The following TADA3 variants were observed in gnomAD, a reference collection of about 807,000 sequenced individuals.
The protein encoded by TADA3 is transcriptional adapter 3.
Under a neutral mutation model 43.2 loss-of-function variants are expected in TADA3, and 25 were observed. That is an observed-to-expected ratio of 0.58 (90% CI 0.42 to 0.81). The LOEUF (loss-of-function observed/expected upper bound fraction) is 0.81, where lower values mean the gene tolerates loss of function less well. Among genes scored for constraint, TADA3 ranks in the 30% least tolerant of loss-of-function variants. TADA3 has a pLI of 0.00. For synonymous variants in TADA3, 235 were observed against 225.5 expected, an observed-to-expected ratio of 1.04 and a Z score of -0.38; for missense variants, 441 against 567.8, an observed-to-expected ratio of 0.78 and a Z score of 2.27.
intron 8 of TADA3, chr3:9,783,023 T>C (rs2078516821): frequency 6.6e-6 from 1 of 152,202 alleles, no homozygotes; most frequent in African/African-American, 2.4e-5. Flanking sequence ...TGGCAGGCAC[T>C]GTGATGGATT....
chr3:9,789,502 T>C lies in TADA3; in HGVS notation c.564+7A>G. On this transcript the variant is annotated splice_region_variant and intron_variant, in intron 4 of 8. Coordinates refer to ENST00000301964, the MANE Select transcript of TADA3 (RefSeq NM_006354.5). ...GCATCATGTCTATCAAGGCCCAGAG[T>C]TTCTACCTTGTAATGCTCAGCCTCA... 1.9e-6 allele frequency: 3 copies of C among 1,612,872 alleles called. No homozygotes were observed. The highest frequency in any genetic ancestry group is 2.5e-6 in the Non-Finnish European group (3 of 1,179,320).
intron 4 of TADA3, chr3:9,787,869 A>T: frequency 2.2e-6 from 1 of 456,306 alleles, no homozygotes; most frequent in Non-Finnish European, 4.0e-6. Flanking sequence ...CAGGGCCTTG[A>T]AGGGTGAGTC....
chr3:9,792,570 G>T, upstream of TADA3: 1 of 1,228,810 alleles, frequency 8.1e-7, no homozygotes, highest in Non-Finnish European at 1.0e-6. Flanking sequence ...GGTGGGCCTC[G>T]AGCAAAGCCG....
intron 4 of TADA3, 121 bp from the exon 5 acceptor site, chr3:9,787,461 G>C: frequency 7.3e-7 from 1 of 1,370,658 alleles, no homozygotes; most frequent in Non-Finnish European, 9.8e-7. Flanking sequence ...CAAGCCCAGT[G>C]TCAGGTGTAG....
Position 9,784,046 on chromosome 3 carries a change from T to C in TADA3, c.1088A>G (p.Lys363Arg), listed in dbSNP as rs954721291. Residue 363 changes from lysine to arginine, a missense_variant, in exon 8 of 9, where the codon AAG becomes AGG. By Grantham distance (26) the Lys-to-Arg change is conservative (BLOSUM62 2). Coordinates refer to ENST00000301964, the MANE Select transcript of TADA3 (RefSeq NM_006354.5). ...LKALSAHNRT[K>R]KHDLLRLAKE... ...CGCTCACCTCAGCAGGTCGTGCTTCTTGGTGCGGTTGTGGGCACTAAGTGC... is the reference window on the plus strand; with the variant it reads ...CGCTCACCTCAGCAGGTCGTGCTTCCTGGTGCGGTTGTGGGCACTAAGTGC... The C allele has an allele frequency of 3.1e-6, 5 of 1,614,030 alleles. No homozygotes were observed. The highest frequency in any genetic ancestry group is 4.2e-6 in the Non-Finnish European group (5 of 1,179,920).
At chr3:9,788,905 G>A (rs1447608223) in intron 4 of TADA3, among the ~76,000 whole-genome samples, 5 of 149,420 alleles carry the variant, frequency 3.3e-5, no homozygotes, top group East Asian at 2.0e-4. Context: ...GCGTGATCTC[G>A]GCTCACTGCA....
At chr3:9,789,987 T>C (rs376961867) in intron 2 of TADA3, 24 bp from the exon 3 acceptor site, 5 of 1,565,454 alleles carry the variant, frequency 3.2e-6, no homozygotes, top group South Asian at 2.4e-5. Context: ...AAAGTGTCAC[T>C]GAGGGGGAGA....
Position 9,787,064 on chromosome 3 carries a change from G to A in TADA3, c.752C>T (p.Pro251Leu), listed in dbSNP as rs201486781. 126 of 1,614,082 alleles carry A rather than the reference G, an allele frequency of 7.8e-5. 1 individual carries two copies. Among genetic ancestry groups the A allele is most frequent in the Middle Eastern group, 3.3e-4 (2 of 6,084 alleles). Residue 251 changes from proline (P) to leucine (L), a missense_variant, in exon 6 of 9, where the codon CCG (proline) becomes CTG (leucine). Coordinates refer to ENST00000301964, the MANE Select transcript of TADA3 (RefSeq NM_006354.5). ...GGCACCAAAGGGGCATCCATCTTCC[G>A]GCTGTTCATGCTGGGCCTCAGACTT... Reference protein sequence around the residue: ...LKKSEAQHEQPEDGCPFGALT... With the variant: ...LKKSEAQHEQLEDGCPFGALT...
rs2078694413 is a variant in TADA3, at chr3:9,789,766, G to A, written c.405C>T (p.Phe135=). 6.2e-7 allele frequency: 1 copy of A among 1,614,114 alleles called. No homozygotes were observed. The highest frequency in any genetic ancestry group is 1.7e-5 in the Admixed American group (1 of 60,010). ...NLQPKIQEYE[F]TDDPIDVPRI... ...GTGGCACGTCGATAGGGTCATCAGT[G>A]AATTCATATTCCTGGATCTTGGGCT... is the stretch of plus-strand genomic sequence containing the variant. The change falls in exon 3 of 9, where the codon TTC becomes TTT. Residue 135 remains phenylalanine (F), a synonymous_variant. Transcript: ENST00000301964.
intron 8 of TADA3, among the ~76,000 whole-genome samples, chr3:9,781,975 T>C (rs1229131779): frequency 4.0e-5 from 6 of 151,628 alleles, no homozygotes; most frequent in African/African-American, 9.7e-5. Flanking sequence ...AGTAGGACTA[T>C]AGGCATGTGC....
At chr3:9,790,382 G>A (rs749557833) in intron 2 of TADA3, among the ~76,000 whole-genome samples, 4 of 152,160 alleles carry the variant, frequency 2.6e-5, no homozygotes, top group Non-Finnish European at 5.9e-5. Context: ...GATTCCCAGG[G>A]ACAAGTTAAT....
intron 2 of TADA3, among the ~76,000 whole-genome samples, chr3:9,790,723 C>T (rs2078709037): frequency 6.6e-6 from 1 of 152,166 alleles, no homozygotes; most frequent in African/African-American, 2.4e-5. Flanking sequence ...CTCTTTTAAT[C>T]CTCACAAAAG....
At chr3:9,787,974 T>G (rs2078655050) in intron 4 of TADA3, 1 of 333,236 alleles carries the variant, frequency 3.0e-6, no homozygotes, top group Admixed American at 4.3e-5. Flanking sequence ...GGCGAGATAC[T>G]TGGTGGGACT....
At chr3:9,786,500 G>C (rs904874549) in intron 6 of TADA3, among the ~76,000 whole-genome samples, 2 of 151,962 alleles carry the variant, frequency 1.3e-5, no homozygotes, top group African/African-American at 4.8e-5. Context: ...CAGGTATAAA[G>C]ACAGGGCCCC....
chr3:9,792,137 A>C (rs2078751953), intron 1 of TADA3, 79 bp downstream of exon 1: 1 of 152,344 alleles, frequency 6.6e-6, no homozygotes, highest in Admixed American at 6.5e-5. Context: ...CCATCTGTAA[A>C]ATGGGGACAA....
At chr3:9,789,204 G>C (rs993252945) in intron 4 of TADA3, among the ~76,000 whole-genome samples, 1 of 152,218 alleles carries the variant, frequency 6.6e-6, no homozygotes, top group Admixed American at 6.5e-5. Context: ...AGAGTTAAGA[G>C]GCTGTTTGGA....
chr3:9,786,339 T>C (rs1246634052), intron 6 of TADA3, among the ~76,000 whole-genome samples: 1 of 152,152 alleles, frequency 6.6e-6, no homozygotes, highest in Non-Finnish European at 1.5e-5. Context: ...TCTGATGATA[T>C]GAGATAGAGA....
intron 2 of TADA3, among the ~76,000 whole-genome samples, chr3:9,790,286 T>G (rs11711241): frequency 0.29 from 43,850 of 152,220 alleles, 7,684 homozygotes; most frequent in Non-Finnish European, 0.39. Context: ...TCACCACTAC[T>G]GAGATGCCTT....
At chr3:9,792,772 CT>C, upstream of TADA3, 1 of 1,249,322 alleles carries the variant, frequency 8.0e-7, no homozygotes, top group Non-Finnish European at 1.0e-6. Context: ...TCCGCTTCGG[CT>C]TGTCCTAATT....
Sources: gnomAD v4.1 joint callset for allele counts (sites outside exome capture counted in the v4.1 genomes callset) on GRCh38, gnomAD v4.1.1 for gene constraint, MANE v1.5 for transcripts, NCBI Gene and HGNC (gene_info 2026-07-23, HGNC 2026-07-21) for gene names.